Variants in ERBB4 observed in about 807,000 individuals in gnomAD.
ERBB4 encodes the protein receptor tyrosine-protein kinase erbB-4.
ERBB4 carries 42 observed loss-of-function variants against 158.0 expected under a neutral mutation model. That is an observed-to-expected ratio of 0.27 (90% CI 0.21 to 0.34). ERBB4 has a LOEUF of 0.34. ERBB4 is among the 10% of genes least tolerant of loss of function. The pLI is 1.00. For missense variants in ERBB4, 1,333 were observed against 1,624.1 expected, an observed-to-expected ratio of 0.82 and a Z score of 3.08; for synonymous variants, 583 against 558.7, an observed-to-expected ratio of 1.04 and a Z score of -0.61.
At position 211,573,176 on chromosome 2, in the gene ERBB4, G is replaced by A. The variant is rs1387958196; in HGVS notation, c.2302-11088C>T. Among the ~76,000 whole-genome samples, 2 of 152,128 alleles carry A rather than the reference G, an allele frequency of 1.3e-5. 1 individual carries two copies. Among genetic ancestry groups the A allele is most frequent in the Non-Finnish European group, 2.9e-5 (2 of 68,016 alleles). On this transcript the variant is annotated intron_variant, in intron 19 of 27. Transcript: ENST00000342788. ...AAAGAGGAAAAGGCAATGTGAAGAA[G>A]GAGACAGAAATTAGAGTGATGCCCC...
chr2:212,066,127 G>T (rs2077939824), intron 2 of ERBB4, among the ~76,000 whole-genome samples: 1 of 151,776 alleles, frequency 6.6e-6, no homozygotes, highest in Non-Finnish European at 1.5e-5. Context: ...TTACTCATTC[G>T]ATTAGGCCTC....
At chr2:211,626,026 G>C (rs2069829219) in intron 17 of ERBB4, among the ~76,000 whole-genome samples, 1 of 152,050 alleles carries the variant, frequency 6.6e-6, no homozygotes, top group Non-Finnish European at 1.5e-5. Flanking sequence ...AAATTTGGAG[G>C]TTTATATGAC....
chr2:212,446,020 C>G (rs2092341038), intron 1 of ERBB4, among the ~76,000 whole-genome samples: 2 of 152,168 alleles, frequency 1.3e-5, no homozygotes, highest in Non-Finnish European at 2.9e-5. Context: ...GACTTCGTAT[C>G]AGCATTTAAG....
At position 211,395,370 on chromosome 2, in the gene ERBB4, C is replaced by T. The variant is rs114888562; in HGVS notation, c.3136-7378G>A. Among the ~76,000 whole-genome samples the T allele has an allele frequency of 3.7e-3, 564 of 152,152 alleles. 7 individuals are homozygous for T. The highest frequency in any genetic ancestry group is 0.013 in the African/African-American group (527 of 41,550). On this transcript the variant is annotated intron_variant, in intron 25 of 27. Coordinates refer to ENST00000342788, the MANE Select transcript of ERBB4 (RefSeq NM_005235.3). ...TTTTCCAAGGTAACAAAAGTAGTGA[C>T]GGTACTAGCAACAAGATTCCCTGAG...
At chr2:212,508,974 T>C (rs1214862603) in intron 1 of ERBB4, among the ~76,000 whole-genome samples, 3 of 152,120 alleles carry the variant, frequency 2.0e-5, no homozygotes, top group Admixed American at 1.3e-4. Context: ...TGAATTAATG[T>C]GGTAATTATT....
chr2:211,962,523 C>T (rs1423285844), intron 2 of ERBB4, among the ~76,000 whole-genome samples: 1 of 152,110 alleles, frequency 6.6e-6, no homozygotes, highest in African/African-American at 2.4e-5. Context: ...TATAATTTTA[C>T]ACCAGGCAAT....
chr2:212,057,254 A>G (rs957128843), intron 2 of ERBB4, among the ~76,000 whole-genome samples: 1 of 152,216 alleles, frequency 6.6e-6, no homozygotes, highest in Non-Finnish European at 1.5e-5. Flanking sequence ...TATGCACCCA[A>G]TACAGGAGCA....
chr2:211,775,283 G>A (rs576330571), intron 4 of ERBB4, among the ~76,000 whole-genome samples: 2 of 152,170 alleles, frequency 1.3e-5, no homozygotes, highest in South Asian at 4.1e-4. Context: ...GTCTGGTTTT[G>A]GGGGACTTGG....
intron 19 of ERBB4, among the ~76,000 whole-genome samples, chr2:211,597,656 T>C (rs909929790): frequency 6.7e-6 from 1 of 149,972 alleles, no homozygotes; most frequent in Non-Finnish European, 1.5e-5. Flanking sequence ...AATTACACAA[T>C]ACAAATTCAT....
chr2:212,258,705 T>A (rs976501479), intron 1 of ERBB4, among the ~76,000 whole-genome samples: 7 of 151,126 alleles, frequency 4.6e-5, no homozygotes, highest in Non-Finnish European at 8.9e-5. Flanking sequence ...AAACCTAGTC[T>A]CAGAAATGTG....
intron 1 of ERBB4, among the ~76,000 whole-genome samples, chr2:212,382,559 T>G (rs974618483): frequency 6.6e-6 from 1 of 150,964 alleles, no homozygotes; most frequent in South Asian, 2.1e-4. Flanking sequence ...TTAATTTATA[T>G]GTATATTTTC....
intron 20 of ERBB4, among the ~76,000 whole-genome samples, chr2:211,551,597 C>A (rs1057315247): frequency 1.1e-4 from 16 of 152,040 alleles, no homozygotes; most frequent in African/African-American, 3.6e-4. Flanking sequence ...TTAATAAGTG[C>A]CAATTTTATG....
chr2:211,832,376 T>G (rs896454100), intron 3 of ERBB4, among the ~76,000 whole-genome samples: 1 of 152,088 alleles, frequency 6.6e-6, no homozygotes, highest in Non-Finnish European at 1.5e-5. Flanking sequence ...AATACATTAT[T>G]AAAACTAAAA....
intron 1 of ERBB4, among the ~76,000 whole-genome samples, chr2:212,505,780 A>T (rs537003725): frequency 6.7e-6 from 1 of 149,168 alleles, no homozygotes; most frequent in African/African-American, 2.4e-5. Context: ...TGCTTGCTGC[A>T]ACATGAGTAA....
At chr2:211,963,794 A>G (rs2081245051) in intron 2 of ERBB4, among the ~76,000 whole-genome samples, 1 of 152,316 alleles carries the variant, frequency 6.6e-6, no homozygotes, top group South Asian at 2.1e-4. Context: ...TTATAAACAA[A>G]CAAAGTCAGT....
At chr2:211,486,259 A>G (rs1443593457) in intron 20 of ERBB4, among the ~76,000 whole-genome samples, 1 of 152,078 alleles carries the variant, frequency 6.6e-6, no homozygotes, top group South Asian at 2.1e-4. Flanking sequence ...TTTCGTTCCC[A>G]GGTGCAAAAA....
At chr2:212,110,436 G>A (rs1172889427) in intron 2 of ERBB4, among the ~76,000 whole-genome samples, 1 of 152,070 alleles carries the variant, frequency 6.6e-6, no homozygotes, top group African/African-American at 2.4e-5. Flanking sequence ...CCTTAGGAAG[G>A]ATGTCAGATT....
intron 4 of ERBB4, among the ~76,000 whole-genome samples, chr2:211,773,619 TATATATATATATA>T (rs1250153095): frequency 1.0e-4 from 6 of 58,026 alleles, no homozygotes; most frequent in African/African-American, 5.2e-4. Context: ...TATATATATA[TATATATATATATA>T]TATATATATA....
intron 17 of ERBB4, among the ~76,000 whole-genome samples, chr2:211,626,596 G>A (rs1156817311): frequency 6.6e-6 from 1 of 152,074 alleles, no homozygotes; most frequent in African/African-American, 2.4e-5. Context: ...TAGTCTTAAA[G>A]AATAATTTTC....
Sources: gnomAD v4.1 joint callset for allele counts (sites outside exome capture counted in the v4.1 genomes callset) on GRCh38, gnomAD v4.1.1 for gene constraint, MANE v1.5 for transcripts, NCBI Gene and HGNC (gene_info 2026-07-23, HGNC 2026-07-21) for gene names.